The following CHRNA6 variants were observed in gnomAD, a reference collection of about 807,000 sequenced individuals.
The protein encoded by CHRNA6 is cholinergic receptor nicotinic alpha 6 subunit.
In CHRNA6, 31 loss-of-function variants were observed where a neutral mutation model predicts 40.9. The ratio of observed to expected loss-of-function variants is 0.76; its 90% CI spans 0.57 to 1.02. CHRNA6 has a LOEUF of 1.02. CHRNA6 is among the 50% of genes least tolerant of loss of function. The pLI, the probability that CHRNA6 is intolerant of heterozygous loss-of-function variation, is 0.00. For synonymous variants in CHRNA6, 222 were observed against 221.3 expected (o/e 1.00, Z -0.03); for missense variants, 546 against 596.6 (o/e 0.92, Z 0.88).
chr8:42,755,187 T>TG (rs1816777564), intron 5 of CHRNA6, among the ~76,000 whole-genome samples: 1 of 150,916 alleles, frequency 6.6e-6, no homozygotes, highest in South Asian at 2.1e-4. Flanking sequence ...CCTGCTAATT[T>TG]TTTTTTTTTT....
chr8:42,755,380 G>A (rs561043913), intron 5 of CHRNA6, among the ~76,000 whole-genome samples: 9 of 152,134 alleles, frequency 5.9e-5, no homozygotes, highest in Non-Finnish European at 7.4e-5. Context: ...GGGTTCAAGC[G>A]ATTCTCCTGC....
rs938862644 is a variant in CHRNA6 at position 42,765,162 on chromosome 8, A to C, written c.122T>G (p.Leu41Arg). Residue 41 changes from leucine (L) to arginine (R), a missense_variant, in exon 2 of 6, where the codon CTG becomes CGG. By Grantham distance (102) the Leu-to-Arg change is moderately radical. Transcript: ENST00000276410. ...GATGAACTGGTTGTAATGAGAAAACAGTTTGTGGAAGAGCCTCTCCTCAGT... is the reference window on the plus strand; with the variant it reads ...GATGAACTGGTTGTAATGAGAAAACCGTTTGTGGAAGAGCCTCTCCTCAGT... The part of the protein sequence containing the change: ...CATEERLFHK[L>R]FSHYNQFIRP... 3 of 1,614,116 alleles carry C rather than the reference A, an allele frequency of 1.9e-6. No homozygotes were observed. Among genetic ancestry groups the C allele is most frequent in the Non-Finnish European group, 2.5e-6 (3 of 1,179,998 alleles).
At chr8:42,760,089 G>C (rs2128911812) in intron 2 of CHRNA6, among the ~76,000 whole-genome samples, 1 of 152,288 alleles carries the variant, frequency 6.6e-6, no homozygotes, top group African/African-American at 2.4e-5. Flanking sequence ...ATGTGTCTTA[G>C]CTGTTAGATG....
intron 5 of CHRNA6, 107 bp downstream of exon 5, chr8:42,755,739 T>C: frequency 2.3e-6 from 3 of 1,320,984 alleles, no homozygotes; most frequent in South Asian, 1.4e-5. Flanking sequence ...CAAGGCCGCC[T>C]GACCCTCTCA....
chr8:42,759,432 A>G, intron 2 of CHRNA6: 1 of 270,296 alleles, frequency 3.7e-6, no homozygotes, highest in Non-Finnish European at 7.3e-6. Flanking sequence ...AGGAAAGAAA[A>G]GAAGAGCGAC....
chr8:42,758,925 T>C, intron 3 of CHRNA6, 144 bp downstream of exon 3: 1 of 650,772 alleles, frequency 1.5e-6, no homozygotes, highest in Admixed American at 2.4e-5. Context: ...AAGTCAGCTA[T>C]TACCAGAGCT....
chr8:42,756,127 G>A lies in CHRNA6; in HGVS notation c.1072C>T (p.Pro358Ser). ...CCTGTGCCCCTTGTCTTGTCCAGAGGCCACCTCATCAGCAGGACCTGGGGC... is the reference window on the plus strand; with the variant it reads ...CCTGTGCCCCTTGTCTTGTCCAGAGACCACCTCATCAGCAGGACCTGGGGC... The part of the protein sequence containing the change: ...LLPQVLLMRW[P>S]LDKTRGTGSD... Residue 358 changes from proline (P) to serine (S), a missense_variant, in exon 5 of 6, where the codon CCT becomes TCT. Around this residue, in one of 3 missense-constraint regions of CHRNA6, gnomAD observed 476 missense variants for 494.5 expected, o/e 0.96. Transcript: ENST00000276410. The A allele has an allele frequency of 1.2e-6, 2 of 1,614,268 alleles. No individual in the cohort carries two copies. Among genetic ancestry groups the A allele is most frequent in the East Asian group, 2.2e-5 (1 of 44,888 alleles).
rs755422015 is a variant in CHRNA6 at position 42,756,701 on chromosome 8, A to G, written c.498T>C (p.Pro166=). 2 of 1,614,200 alleles carry G rather than the reference A, an allele frequency of 1.2e-6. No homozygotes were observed. Among genetic ancestry groups the G allele is most frequent in the Admixed American group, 3.3e-5 (2 of 60,026 alleles). Residue 166 remains proline, a synonymous_variant, in exon 5 of 6, where the codon CCT becomes CCC. Transcript: ENST00000276410. ...TTAGGGAACAGTTTTGATGATCAAA[A>G]GGGAAAAAGGTGATATCCATAGGGC... ...SSCPMDITFF[P]FDHQNCSLKF...
chr8:42,756,983 T>A lies in CHRNA6; in HGVS notation c.319A>T (p.Thr107Ser). 6.2e-7 allele frequency: 1 copy of A among 1,613,824 alleles called. No individual in the cohort carries two copies. Among genetic ancestry groups the A allele is most frequent in the Non-Finnish European group, 8.5e-7 (1 of 1,179,806 alleles). ...ATCTTATCTGCAGGAACGCGAAGAG[T>A]CTCAATGCCATCATATTCCATTGGA... Reference protein sequence around the residue: ...WDPMEYDGIETLRVPADKIWK... With the variant: ...WDPMEYDGIESLRVPADKIWK... Residue 107 changes from threonine to serine, a missense_variant, in exon 4 of 6, where the codon ACT (threonine) becomes TCT (serine). Thr to Ser is a moderately conservative substitution (Grantham distance 58, BLOSUM62 1). This residue lies in a region of CHRNA6 where 476 missense variants were observed against 494.5 expected (regional missense o/e 0.96). Transcript: ENST00000276410.
chr8:42,752,646 A>T lies in CHRNA6; in HGVS notation c.*533T>A, dbSNP rs1816737879. ...TTTTTTTTTTTTTTTTTTAAAACTAACAATCAGTGTATCAAATAATGCTGA... is the reference window on the plus strand; with the variant it reads ...TTTTTTTTTTTTTTTTTTAAAACTATCAATCAGTGTATCAAATAATGCTGA... On this transcript the variant is annotated 3_prime_UTR_variant, in exon 6 of 6. Coordinates refer to ENST00000276410, the MANE Select transcript of CHRNA6 (RefSeq NM_004198.3). The T allele has an allele frequency of 6.7e-6, 1 of 150,214 alleles. No individual in the cohort carries two copies. The highest frequency in any genetic ancestry group is 2.4e-5 in the African/African-American group (1 of 40,904). 9.3% of individuals were successfully genotyped at this position (150,214 alleles called of 1,614,324 possible).
Position 42,759,070 on chromosome 8 carries a change from T to A in CHRNA6, c.263A>T (p.His88Leu). ...CCAACACATGATATAGGCACATACG[T>A]GACGCAGCCACAAATTGGTTTCCAT... Reference protein sequence around the residue: ...QIMETNLWLRHIWNDYKLRWD... With the variant: ...QIMETNLWLRLIWNDYKLRWD... The change falls in exon 3 of 6, where the codon CAC becomes CTC. Residue 88 changes from histidine (H) to leucine (L), a missense_variant and splice_region_variant. His to Leu is a moderately conservative substitution (Grantham distance 99, BLOSUM62 -3). This residue lies in a region of CHRNA6 where 476 missense variants were observed against 494.5 expected (regional missense o/e 0.96). Transcript: ENST00000276410. 6.2e-7 allele frequency: 1 copy of A among 1,612,256 alleles called. No homozygotes were observed. The highest frequency in any genetic ancestry group is 1.3e-5 in the African/African-American group (1 of 75,002).
chr8:42,758,188 A>T (rs1816838810), intron 3 of CHRNA6, among the ~76,000 whole-genome samples: 1 of 152,184 alleles, frequency 6.6e-6, no homozygotes, highest in African/African-American at 2.4e-5. Flanking sequence ...TTAGATAATT[A>T]TGTATTGATT....
chr8:42,755,972 TC>T lies in CHRNA6; in HGVS notation c.1226del (p.Arg409LysfsTer3). ...ACTGTAATGGCTGATGACTTAATCTTCTCTTGCTTGTGGCAAGCTCATTTGA... is the reference window on the plus strand; with the variant it reads ...ACTGTAATGGCTGATGACTTAATCTTTCTTGCTTGTGGCAAGCTCATTTGA... ...HKSNELATSK[R>X]RLSHQPLQWV... On this transcript the variant is annotated frameshift_variant, in exon 5 of 6. Transcript: ENST00000276410. LOFTEE classifies it high-confidence loss of function. 1 of 1,614,266 alleles carries T rather than the reference TC, an allele frequency of 6.2e-7. No individual in the cohort carries two copies. The highest frequency in any genetic ancestry group is 8.5e-7 in the Non-Finnish European group (1 of 1,180,042).
intron 2 of CHRNA6, among the ~76,000 whole-genome samples, chr8:42,761,951 T>A (rs1015386448): frequency 1.3e-5 from 2 of 152,236 alleles, no homozygotes; most frequent in Non-Finnish European, 2.9e-5. Context: ...TCATTTCAGA[T>A]ATGCCAGGCC....
intron 2 of CHRNA6, among the ~76,000 whole-genome samples, chr8:42,763,885 G>A (rs1816937943): frequency 6.6e-6 from 1 of 152,106 alleles, no homozygotes; most frequent in Non-Finnish European, 1.5e-5. Context: ...ACTCATGCCT[G>A]TCATTAGGGT....
In CHRNA6 at chr8:42,756,250, A is replaced by T. The variant is rs769343905; in HGVS notation, c.949T>A (p.Ser317Thr). Reference sequence around the variant, plus strand: ...AACACAAACACAGTCACCACGATGGACAGTGTGACAAAGATCATGGTGAAC... The same window carrying T: ...AACACAAACACAGTCACCACGATGGTCAGTGTGACAAAGATCATGGTGAAC... ...LLFTMIFVTL[S>T]IVVTVFVLNI... The change falls in exon 5 of 6, where the codon TCC (serine) becomes ACC (threonine). Residue 317 changes from serine to threonine, a missense_variant. This residue lies in a region of CHRNA6 where 476 missense variants were observed against 494.5 expected (regional missense o/e 0.96). Coordinates refer to ENST00000276410, the MANE Select transcript of CHRNA6 (RefSeq NM_004198.3). 6.2e-7 allele frequency: 1 copy of T among 1,614,240 alleles called. No homozygotes were observed. Among genetic ancestry groups the T allele is most frequent in the Admixed American group, 1.7e-5 (1 of 60,030 alleles).
rs1441852542 is a variant in CHRNA6 at position 42,759,115 on chromosome 8, T to C, written c.220-2A>G. ...TTCCATGATCTGGTTTACTTCATCCTGGGAAGAAGAAATAATACTTTTAGC... is the reference window on the plus strand; with the variant it reads ...TTCCATGATCTGGTTTACTTCATCCCGGGAAGAAGAAATAATACTTTTAGC... On this transcript the variant is annotated splice_acceptor_variant, in intron 2 of 5. Coordinates refer to ENST00000276410, the MANE Select transcript of CHRNA6 (RefSeq NM_004198.3). LOFTEE classifies it high-confidence loss of function. The C allele has an allele frequency of 2.5e-6, 4 of 1,612,132 alleles. No homozygotes were observed. The highest frequency in any genetic ancestry group is 3.4e-6 in the Non-Finnish European group (4 of 1,178,148).
intron 2 of CHRNA6, 116 bp from the exon 3 acceptor site, chr8:42,759,229 A>C: frequency 1.3e-6 from 1 of 773,354 alleles, no homozygotes; most frequent in Non-Finnish European, 2.3e-6. Context: ...CAATAGAAGA[A>C]GACTTCAAGG....
intron 2 of CHRNA6, among the ~76,000 whole-genome samples, chr8:42,760,429 TACAC>T (rs1033800632): frequency 1.3e-5 from 2 of 150,584 alleles, no homozygotes; most frequent in African/African-American, 2.4e-5. Flanking sequence ...TATACTCTCA[TACAC>T]ACACTCGTAC....
Sources: allele counts gnomAD v4.1 joint callset (sites outside exome capture counted in the v4.1 genomes callset), GRCh38; gene constraint gnomAD v4.1.1; regional missense constraint gnomAD v4.1.1; transcripts MANE v1.5; gene names NCBI Gene and HGNC (gene_info 2026-07-23, HGNC 2026-07-21).